AIFM3: variants seen among roughly 807,000 people sequenced by gnomAD.
AIFM3 encodes the protein apoptosis-inducing factor 3.
In AIFM3, 71 loss-of-function variants were observed where a neutral mutation model predicts 82.7. The ratio of observed to expected loss-of-function variants is 0.86; its 90% CI spans 0.71 to 1.05. The LOEUF (loss-of-function observed/expected upper bound fraction) is 1.05, where lower values mean the gene tolerates loss of function less well. Among genes scored for constraint, AIFM3 ranks in the 50% least tolerant of loss-of-function variants. AIFM3 has a pLI of 0.00. For synonymous variants in AIFM3, 337 were observed against 329.1 expected (o/e 1.02, Z -0.26); for missense variants, 748 against 816.7 (o/e 0.92, Z 1.03).
At chr22:20,979,451 G>T in intron 17 of AIFM3, 82 bp downstream of exon 17, 1 of 1,484,104 alleles carries the variant, frequency 6.7e-7, no homozygotes, top group South Asian at 1.2e-5. Flanking sequence ...TGGGAGCCTA[G>T]GGGCAGGGCT....
chr22:20,973,904 C>A, intron 4 of AIFM3, 37 bp downstream of exon 4: 1 of 1,488,324 alleles, frequency 6.7e-7, no homozygotes, highest in Non-Finnish European at 9.0e-7. Flanking sequence ...GGGGACCTTC[C>A]AGGCCCCATG....
At chr22:20,975,905 G>T (rs1350214457) in intron 9 of AIFM3, 127 bp downstream of exon 9, 3 of 1,078,620 alleles carry the variant, frequency 2.8e-6, no homozygotes, top group Non-Finnish European at 4.1e-6. Flanking sequence ...CCTGGGAGGT[G>T]CTCCAGGCTT....
chr22:20,970,969 C>T (rs73164812), intron 2 of AIFM3, among the ~76,000 whole-genome samples: 1 of 152,332 alleles, frequency 6.6e-6, no homozygotes, highest in Non-Finnish European at 1.5e-5. Flanking sequence ...TATGGGCAGC[C>T]AGAAGTCATG....
chr22:20,974,048 A>G lies in AIFM3; in HGVS notation c.356-15A>G. On this transcript the variant is annotated splice_polypyrimidine_tract_variant and intron_variant, in intron 4 of 20. Transcript: ENST00000440238. ...CCCCTGCTGGTGGGCGCAGCCTAACACCTCCCCTTCCCAGGCGTTCTGTCC... is the reference window on the plus strand; with the variant it reads ...CCCCTGCTGGTGGGCGCAGCCTAACGCCTCCCCTTCCCAGGCGTTCTGTCC... 6.3e-7 allele frequency: 1 copy of G among 1,594,552 alleles called. No homozygotes were observed. The highest frequency in any genetic ancestry group is 2.1e-4 in the Middle Eastern group (1 of 4,798).
At chr22:20,975,879 C>G in intron 9 of AIFM3, 101 bp downstream of exon 9, 33 of 1,342,076 alleles carry the variant, frequency 2.5e-5, no homozygotes, top group Non-Finnish European at 3.3e-5. Context: ...ACCTTCCTGG[C>G]CCCACAGCCC....
At chr22:20,980,822 C>T (rs1027469527) in intron 20 of AIFM3, 55 bp downstream of exon 20, 4 of 1,608,846 alleles carry the variant, frequency 2.5e-6, no homozygotes, top group East Asian at 2.2e-5. Context: ...CAGCCCAGAC[C>T]CTCCACCCAA....
chr22:20,979,347 T>TG lies in AIFM3; in HGVS notation c.1556dup (p.Lys520GlnfsTer32). 6.6e-7 allele frequency: 1 copy of TG among 1,522,332 alleles called. No homozygotes were observed. The highest frequency in any genetic ancestry group is 8.8e-7 in the Non-Finnish European group (1 of 1,133,618). 94.3% of individuals were successfully genotyped at this position (1,522,332 alleles called of 1,614,324 possible). A position where few individuals can be genotyped will look rare whatever the true frequency, so the allele number is the denominator to read the frequency against. On this transcript the variant is annotated frameshift_variant, in exon 17 of 21. Transcript: ENST00000440238. LOFTEE classifies it high-confidence loss of function. ...TGCCCTACCTCTGGACCGCCATGTT[T>TG]GGCAAGAGCCTGCGCTACGCGGGTA... is the stretch of plus-strand genomic sequence containing the variant.
At chr22:20,972,740 C>T (rs1179788394) in intron 2 of AIFM3, among the ~76,000 whole-genome samples, 2 of 152,124 alleles carry the variant, frequency 1.3e-5, no homozygotes, top group Non-Finnish European at 2.9e-5. Flanking sequence ...GTCCCCCTCA[C>T]TAACACTGTA....
Position 20,979,371 on chromosome 22 carries a change from T to C in AIFM3, c.1576+2T>C, listed in dbSNP as rs1193435517. ...TTGGCAAGAGCCTGCGCTACGCGGG[T>C]AACCCCGGGGCCTCGGATGGGGGCG... On this transcript the variant is annotated splice_donor_variant, in intron 17 of 20. Transcript: ENST00000440238. LOFTEE classifies it high-confidence loss of function. 1.4e-6 allele frequency: 2 copies of C among 1,475,280 alleles called. No individual in the cohort carries two copies. Among genetic ancestry groups the C allele is most frequent in the Admixed American group, 2.1e-5 (1 of 47,000 alleles). The allele number at this position is 1,475,280 out of a possible 1,614,324, so 91.4% of individuals were successfully genotyped here. A position where few individuals can be genotyped will look rare whatever the true frequency, so the allele number is the denominator to read the frequency against.
In AIFM3 at chr22:20,974,702, A is replaced by C. The variant is rs1159866470; in HGVS notation, c.608-2A>C. 3 of 1,614,044 alleles carry C rather than the reference A, an allele frequency of 1.9e-6. No homozygotes were observed. Among genetic ancestry groups the C allele is most frequent in the Non-Finnish European group, 2.5e-6 (3 of 1,179,986 alleles). On this transcript the variant is annotated splice_acceptor_variant, in intron 7 of 20. Transcript: ENST00000440238. LOFTEE classifies it high-confidence loss of function. Reference sequence around the variant, plus strand: ...TCCTGGCCCACGGGCCCCTCCCCTCAGGTGCAGCTGGCCTGGTGTGTGCAG... The same window carrying C: ...TCCTGGCCCACGGGCCCCTCCCCTCCGGTGCAGCTGGCCTGGTGTGTGCAG...
Position 20,970,438 on chromosome 22 carries a change from G to A in AIFM3, c.31+2463G>A, listed in dbSNP as rs527722492. Among the ~76,000 whole-genome samples the A allele has an allele frequency of 1.3e-4, 19 of 151,996 alleles. No homozygotes were observed. The South Asian group carries it at 2.1e-3, about 17-fold the overall frequency. On this transcript the variant is annotated intron_variant, in intron 2 of 20. Transcript: ENST00000440238. ...AGGGACTACAGGCCTGCACCACCAC[G>A]ACTGGCAATTTTATTTATTTTTTTA... is the stretch of plus-strand genomic sequence containing the variant.
chr22:20,968,008 C>T (rs1424369326), intron 2 of AIFM3, 33 bp downstream of exon 2: 14 of 1,603,036 alleles, frequency 8.7e-6, no homozygotes, highest in Non-Finnish European at 1.2e-5. Flanking sequence ...CATCCTTTCT[C>T]CTCCCTCCCC....
intron 2 of AIFM3, among the ~76,000 whole-genome samples, chr22:20,970,955 G>A (rs776403252): frequency 1.8e-4 from 28 of 152,256 alleles, no homozygotes; most frequent in Non-Finnish European, 7.3e-5. Flanking sequence ...GCTAAGGCAG[G>A]TCTTATGGGC....
chr22:20,977,860 C>T, intron 15 of AIFM3, 28 bp from the exon 16 acceptor site: 1 of 1,613,934 alleles, frequency 6.2e-7, no homozygotes, highest in African/African-American at 1.3e-5. Flanking sequence ...CTGTCACACC[C>T]ATGGAGCTCT....
chr22:20,979,386 G>A lies in AIFM3; in HGVS notation c.1576+17G>A, dbSNP rs1459206101. On this transcript the variant is annotated intron_variant, in intron 17 of 20. Transcript: ENST00000440238. ...GCTACGCGGGTAACCCCGGGGCCTC[G>A]GATGGGGGCGGGGCCGAGGGCGTTT... 2 of 1,549,158 alleles carry A rather than the reference G, an allele frequency of 1.3e-6. No homozygotes were observed. The highest frequency in any genetic ancestry group is 2.4e-5 in the East Asian group (1 of 40,976).
chr22:20,978,299 G>A (rs955527018), intron 16 of AIFM3, among the ~76,000 whole-genome samples: 2 of 152,110 alleles, frequency 1.3e-5, no homozygotes, highest in Admixed American at 1.3e-4. Context: ...CATTACCCTG[G>A]GGAGGGAGGG....
In AIFM3 at chr22:20,974,101, G is replaced by A. The variant is rs779994284; in HGVS notation, c.394G>A (p.Gly132Ser). Residue 132 changes from glycine (G) to serine (S), a missense_variant, in exon 5 of 21, where the codon GGC (glycine) becomes AGC (serine). Physicochemically the swap from Gly to Ser is moderately conservative, Grantham distance 56. Around this residue, in one of 5 missense-constraint regions of AIFM3, gnomAD observed 393 missense variants for 481.1 expected, o/e 0.82. Coordinates refer to ENST00000440238, the MANE Select transcript of AIFM3 (RefSeq NM_001386814.1). ...TGGTCGGGTGCGCTGCCCCTGGCAC[G>A]GCGCCTGCTTCAACATCAGCACTGG... ...SRGRVRCPWH[G>S]ACFNISTGDL... is the part of the protein sequence containing the mutation. 18 of 1,612,478 alleles carry A rather than the reference G, an allele frequency of 1.1e-5. No individual in the cohort carries two copies. The highest frequency in any genetic ancestry group is 2.7e-5 in the African/African-American group (2 of 74,920).
intron 1 of AIFM3, among the ~76,000 whole-genome samples, chr22:20,967,504 G>A (rs749110277): frequency 1.3e-5 from 2 of 151,994 alleles, no homozygotes; most frequent in East Asian, 3.9e-4. Flanking sequence ...GAGAGGGGAA[G>A]GGGGGCACGA....
rs1305618530 is a variant in AIFM3 at position 20,974,744 on chromosome 22, G to A, written c.648G>A (p.Glu216=). The A allele has an allele frequency of 1.2e-6, 2 of 1,613,804 alleles. No individual in the cohort carries two copies. The highest frequency in any genetic ancestry group is 1.1e-5 in the South Asian group (1 of 91,078). ...TGTGTGCAGAGACACTGCGGCAGGA[G>A]GGCTTCTCCGACCGGATCGTCCTGT... ...GLVCAETLRQ[E]GFSDRIVLCT... Residue 216 remains glutamate, a synonymous_variant, in exon 8 of 21, where the codon GAG becomes GAA. Transcript: ENST00000440238.
Sources: gnomAD v4.1 joint callset for allele counts (sites outside exome capture counted in the v4.1 genomes callset) on GRCh38, gnomAD v4.1.1 for gene constraint, gnomAD v4.1.1 regional missense constraint, MANE v1.5 for transcripts, NCBI Gene and HGNC (gene_info 2026-07-23, HGNC 2026-07-21) for gene names.